Variants in GPR55 observed in about 807,000 individuals in gnomAD.
GPR55 encodes the protein G-protein coupled receptor 55.
In GPR55, 6 loss-of-function variants were observed where a neutral mutation model predicts 7.9. The observed-to-expected ratio is 0.76, with a 90% CI of 0.41 to 1.49. GPR55 has a LOEUF of 1.49. GPR55 is among the 40% of genes most tolerant of loss of function. The probability of loss-of-function intolerance (pLI) is 0.01; values close to 1 mark genes in which losing one functional copy is unlikely to be tolerated. For synonymous variants in GPR55, 183 were observed against 166.8 expected (o/e 1.10, Z -0.75); for missense variants, 376 against 406.0 (o/e 0.93, Z 0.63).
At chr2:230,913,971 G>T (rs1245067716) in intron 1 of GPR55, among the ~76,000 whole-genome samples, 1 of 152,186 alleles carries the variant, frequency 6.6e-6, no homozygotes, top group East Asian at 1.9e-4. Flanking sequence ...ATCTGTCTTT[G>T]TCTGGGTCAC....
intron 1 of GPR55, among the ~76,000 whole-genome samples, chr2:230,938,298 T>C (rs1691164619): frequency 6.6e-6 from 1 of 151,366 alleles, no homozygotes; most frequent in Admixed American, 6.6e-5. Context: ...GTGGGCTTTA[T>C]ATGGAATCAA....
chr2:230,949,297 G>A (rs1691364366), intron 1 of GPR55, among the ~76,000 whole-genome samples: 1 of 152,152 alleles, frequency 6.6e-6, no homozygotes, highest in Admixed American at 6.5e-5. Flanking sequence ...TCGAGTAGCT[G>A]GGATTACAGG....
intron 1 of GPR55, among the ~76,000 whole-genome samples, chr2:230,951,761 T>G (rs866637470): frequency 6.7e-5 from 10 of 148,540 alleles, no homozygotes; most frequent in African/African-American, 2.3e-4. Context: ...TTGGGGTTTT[T>G]TTTTTTTTTT....
chr2:230,926,504 A>G (rs529980519), upstream of GPR55, among the ~76,000 whole-genome samples: 1 of 152,116 alleles, frequency 6.6e-6, no homozygotes, highest in Admixed American at 6.5e-5. Context: ...GGAGGCCAGG[A>G]GCCTGCTGGG....
In GPR55 at chr2:230,908,869, A is replaced by C. The variant is rs562952092; in HGVS notation, c.*1134T>G. 6.6e-6 allele frequency: 1 copy of C among 152,274 alleles called. No homozygotes were observed. The highest frequency in any genetic ancestry group is 2.4e-5 in the African/African-American group (1 of 41,430). 9.4% of individuals were successfully genotyped at this position (152,274 alleles called of 1,614,324 possible). A position where few individuals can be genotyped will look rare whatever the true frequency, so the allele number is the denominator to read the frequency against. On this transcript the variant is annotated 3_prime_UTR_variant, in exon 2 of 2. Transcript: ENST00000650999. ...TTGTTTACAGTTTCCTGGGACCAGC[A>C]GGGACCCCCCCTTGCCTTCTTTCTC...
chr2:230,957,741 T>G, intron 1 of GPR55: 1 of 551,650 alleles, frequency 1.8e-6, no homozygotes, highest in Admixed American at 1.9e-5. Flanking sequence ...GGACTTTTTT[T>G]TTGTTAACTA....
chr2:230,959,413 C>T (rs1691535833), intron 1 of GPR55, among the ~76,000 whole-genome samples: 1 of 151,998 alleles, frequency 6.6e-6, no homozygotes, highest in Non-Finnish European at 1.5e-5. Flanking sequence ...TGCGCCACTG[C>T]ACTCCAGCCT....
intron 1 of GPR55, among the ~76,000 whole-genome samples, chr2:230,943,085 GAA>G (rs748476919): frequency 7.3e-6 from 1 of 136,984 alleles, no homozygotes; most frequent in South Asian, 2.5e-4. Flanking sequence ...AGAGAGGAGA[GAA>G]AGAGAGAGAG....
intron 1 of GPR55, among the ~76,000 whole-genome samples, chr2:230,935,143 G>A (rs756286895): frequency 2.6e-5 from 4 of 152,128 alleles, no homozygotes; most frequent in Admixed American, 1.3e-4. Flanking sequence ...CAGCACCATC[G>A]TGACCACATT....
chr2:230,913,716 C>A (rs576761126), intron 1 of GPR55, among the ~76,000 whole-genome samples: 1 of 152,014 alleles, frequency 6.6e-6, no homozygotes, highest in Admixed American at 6.5e-5. Flanking sequence ...AGGCCTAGCT[C>A]AAAAAATTAC....
chr2:230,944,849 A>G lies in GPR55; in HGVS notation c.-135+15926T>C, dbSNP rs1396552443. 6.6e-6 allele frequency among the ~76,000 whole-genome samples: 1 copy of G among 152,244 alleles called. No homozygotes were observed. The highest frequency in any genetic ancestry group is 2.4e-5 in the African/African-American group (1 of 41,466). On this transcript the variant is annotated intron_variant, in intron 1 of 1. Transcript: ENST00000392039. This position sits in a 1 kb window ranked among gnomAD's most constrained non-coding sequence, Gnocchi z 4.2. ...TTGCCTGCCCTCATGCTGGTTGTTC[A>G]GCCCTCCAAGAATCATTCTTGATGC...
At chr2:230,935,083 TG>T (rs1392204584) in intron 1 of GPR55, among the ~76,000 whole-genome samples, 1 of 151,734 alleles carries the variant, frequency 6.6e-6, no homozygotes, top group African/African-American at 2.4e-5. Context: ...ACGCCTGGGG[TG>T]GGGGGCACTT....
chr2:230,934,711 A>C (rs910807740), intron 1 of GPR55, among the ~76,000 whole-genome samples: 5 of 151,818 alleles, frequency 3.3e-5, no homozygotes, highest in Non-Finnish European at 7.4e-5. Flanking sequence ...GAGGATGACC[A>C]TCTGTTCTGG....
chr2:230,925,441 G>A (rs985109329), upstream of GPR55, among the ~76,000 whole-genome samples: 4 of 152,100 alleles, frequency 2.6e-5, no homozygotes, highest in Admixed American at 6.5e-5. Flanking sequence ...ACACTCTCCC[G>A]CCCTCTTGGA....
chr2:230,914,347 T>C (rs556165486), intron 1 of GPR55, among the ~76,000 whole-genome samples: 1 of 152,312 alleles, frequency 6.6e-6, no homozygotes, highest in East Asian at 1.9e-4. Context: ...AGACTTCAAA[T>C]GGAAGCTTCT....
chr2:230,910,137 AAC>A lies in GPR55; in HGVS notation c.824_825del (p.Cys275PhefsTer71), dbSNP rs780591837. On this transcript the variant is annotated frameshift_variant, in exon 2 of 2. Coordinates refer to ENST00000650999, the MANE Select transcript of GPR55 (RefSeq NM_005683.4). LOFTEE classifies it high-confidence loss of function. This position sits in a 1 kb window ranked among gnomAD's most constrained non-coding sequence, Gnocchi z 5.4. ...SISFFLQLSM[C>X]FSNVNCCLDV... ...TCCAGGCAGCAGTTGACGTTGGAGA[AAC>A]ACATGGACAATTGCAAGAAGAAGCT... The A allele has an allele frequency of 6.2e-6, 10 of 1,614,190 alleles. No homozygotes were observed. In the South Asian group the frequency reaches 1.1e-4, roughly 18 times the overall value.
At chr2:230,919,036 G>A (rs1224599847) in intron 1 of GPR55, among the ~76,000 whole-genome samples, 1 of 151,960 alleles carries the variant, frequency 6.6e-6, no homozygotes, top group Non-Finnish European at 1.5e-5. Context: ...TAATACAAAG[G>A]GAAGGCTTAG....
In GPR55 at chr2:230,944,567, G is replaced by A. The variant is rs1171272348; in HGVS notation, c.-135+16208C>T. On this transcript the variant is annotated intron_variant, in intron 1 of 1. Coordinates refer to the GPR55 transcript ENST00000392039. This position sits in a 1 kb window ranked among gnomAD's most constrained non-coding sequence, Gnocchi z 4.2. Reference sequence around the variant, plus strand: ...TGAAAACGAGAATGCCGTGTCTCTGGGAGCCCCCGGAGAATGACTCAACAG... The same window carrying A: ...TGAAAACGAGAATGCCGTGTCTCTGAGAGCCCCCGGAGAATGACTCAACAG... 3.9e-5 allele frequency among the ~76,000 whole-genome samples: 6 copies of A among 152,120 alleles called. No homozygotes were observed. Among genetic ancestry groups the A allele is most frequent in the Non-Finnish European group, 8.8e-5 (6 of 68,026 alleles).
At chr2:230,921,440 C>T (rs993167916) in intron 1 of GPR55, among the ~76,000 whole-genome samples, 5 of 152,184 alleles carry the variant, frequency 3.3e-5, no homozygotes, top group African/African-American at 1.2e-4. Context: ...TTTTACACTC[C>T]TCATTCTCGG....
Sources: allele counts gnomAD v4.1 joint callset (sites outside exome capture counted in the v4.1 genomes callset), GRCh38; gene constraint gnomAD v4.1.1; non-coding constraint Gnocchi (gnomAD v3.1); transcripts MANE v1.5; gene names NCBI Gene and HGNC (gene_info 2026-07-23, HGNC 2026-07-21).